Variants in CAPZA1 observed in about 807,000 individuals in gnomAD.
CAPZA1 encodes the protein F-actin-capping protein subunit alpha-1.
In CAPZA1, 10 loss-of-function variants were observed where a neutral mutation model predicts 40.8. The observed-to-expected ratio is 0.25, with a 90% CI of 0.15 to 0.42. The LOEUF (loss-of-function observed/expected upper bound fraction) is 0.42. Among genes scored for constraint, CAPZA1 ranks in the 10% least tolerant of loss-of-function variants. CAPZA1 has a pLI of 1.00. For missense variants in CAPZA1, 277 were observed against 353.8 expected, an observed-to-expected ratio of 0.78 and a Z score of 1.74; for synonymous variants, 98 against 115.0, an observed-to-expected ratio of 0.85 and a Z score of 0.95.
At chr1:112,662,971 T>G (rs2101186785) in intron 7 of CAPZA1, among the ~76,000 whole-genome samples, 1 of 152,136 alleles carries the variant, frequency 6.6e-6, no homozygotes, top group African/African-American at 2.4e-5. Context: ...CTTTTTGTTT[T>G]GTTTTGTTTT....
intron 8 of CAPZA1, 61 bp from the exon 9 acceptor site, chr1:112,669,482 G>A (rs1233873009): frequency 1.8e-6 from 2 of 1,138,744 alleles, no homozygotes; most frequent in African/African-American, 3.1e-5. Context: ...TTACTTTCAG[G>A]ATCTTACTGC....
At chr1:112,666,202 T>G (rs1671722470) in intron 7 of CAPZA1, among the ~76,000 whole-genome samples, 1 of 152,234 alleles carries the variant, frequency 6.6e-6, no homozygotes, top group Non-Finnish European at 1.5e-5. Context: ...TTTACACATA[T>G]TCATATGCAG....
At chr1:112,640,743 G>A (rs554106562) in intron 1 of CAPZA1, among the ~76,000 whole-genome samples, 14 of 152,232 alleles carry the variant, frequency 9.2e-5, no homozygotes, top group Admixed American at 3.9e-4. Context: ...CATTGAGAAC[G>A]GGCCAGGATG....
chr1:112,625,328 C>T (rs1397337235), intron 1 of CAPZA1, among the ~76,000 whole-genome samples: 6 of 152,130 alleles, frequency 3.9e-5, no homozygotes, highest in South Asian at 4.1e-4. Flanking sequence ...CCTTGCAAAG[C>T]CCCTAATGAA....
chr1:112,625,431 G>A (rs1670786809), intron 1 of CAPZA1, among the ~76,000 whole-genome samples: 1 of 152,174 alleles, frequency 6.6e-6, no homozygotes, highest in African/African-American at 2.4e-5. Flanking sequence ...GGACCCAAGA[G>A]GGAAAAAGTT....
intron 1 of CAPZA1, among the ~76,000 whole-genome samples, chr1:112,637,685 T>C (rs1289857722): frequency 6.6e-6 from 1 of 152,202 alleles, no homozygotes; most frequent in East Asian, 1.9e-4. Context: ...ATTCCTGAGC[T>C]CAAGCGTTTC....
chr1:112,639,353 CAG>C (rs1671088587), intron 1 of CAPZA1, among the ~76,000 whole-genome samples: 2 of 152,148 alleles, frequency 1.3e-5, no homozygotes, highest in Admixed American at 1.3e-4. Context: ...CACAGATGAA[CAG>C]GGAATATTAA....
intron 7 of CAPZA1, among the ~76,000 whole-genome samples, chr1:112,660,685 A>T (rs1401187508): frequency 6.6e-6 from 1 of 152,154 alleles, no homozygotes; most frequent in Non-Finnish European, 1.5e-5. Context: ...ATCCTAGCAG[A>T]GGTTTGACTT....
chr1:112,634,844 G>A lies in CAPZA1; in HGVS notation c.40-12366G>A, dbSNP rs372425374. The A allele has an allele frequency of 4.4e-4, 67 of 152,312 alleles. 1 individual carries two copies. Among genetic ancestry groups the A allele is most frequent in the African/African-American group, 1.5e-3 (61 of 41,576 alleles). The allele number at this position is 152,312 out of a possible 1,614,324, so 9.4% of individuals were successfully genotyped here. ...TTAGGGAGAGGATGTGGTTCAAAGA[G>A]ATTTTTAAGTGACTGAAATTCAAAA... On this transcript the variant is annotated intron_variant, in intron 1 of 9. Transcript: ENST00000263168.
Position 112,649,911 on chromosome 1 carries a change from C to T in CAPZA1, c.155+442C>T, listed in dbSNP as rs190715750. ...CATGATTAGCTTACCTAGTCATTGA[C>T]TCCTTACCACTCTGAAGCTAATTAA... On this transcript the variant is annotated intron_variant, in intron 3 of 9. Transcript: ENST00000263168. 2.9e-3 allele frequency: 467 copies of T among 158,962 alleles called. 4 individuals are homozygous for T. The highest frequency in any genetic ancestry group is 0.011 in the African/African-American group (439 of 41,654). The allele number at this position is 158,962 out of a possible 1,614,324, so 9.8% of individuals were successfully genotyped here.
Position 112,654,536 on chromosome 1 carries a change from A to G in CAPZA1, c.291A>G (p.Lys97=). 1 of 1,614,088 alleles carries G rather than the reference A, an allele frequency of 6.2e-7. No individual in the cohort carries two copies. Among genetic ancestry groups the G allele is most frequent in the Non-Finnish European group, 8.5e-7 (1 of 1,179,974 alleles). ...ATCCAAGAAACAAAATTTCCTTTAAATTTGACCACTTACGGAAAGAAGCAA... is the reference window on the plus strand; with the variant it reads ...ATCCAAGAAACAAAATTTCCTTTAAGTTTGACCACTTACGGAAAGAAGCAA... The part of the protein sequence containing the change: ...FLDPRNKISF[K]FDHLRKEASD... The change falls in exon 5 of 10, where the codon AAA becomes AAG. Residue 97 remains lysine, a synonymous_variant. Transcript: ENST00000263168.
chr1:112,632,186 T>C (rs1237877023), intron 1 of CAPZA1, among the ~76,000 whole-genome samples: 1 of 152,032 alleles, frequency 6.6e-6, no homozygotes, highest in Non-Finnish European at 1.5e-5. Context: ...GCGCCTGTAA[T>C]GATCCCAGCT....
intron 7 of CAPZA1, among the ~76,000 whole-genome samples, chr1:112,662,897 G>GC (rs1294523636): frequency 2.0e-5 from 2 of 101,942 alleles, no homozygotes; most frequent in Non-Finnish European, 4.9e-5. Flanking sequence ...TTCTTCTATG[G>GC]CCAGATCTGT....
intron 7 of CAPZA1, among the ~76,000 whole-genome samples, chr1:112,666,463 C>T (rs1356468291): frequency 6.6e-6 from 1 of 152,230 alleles, no homozygotes; most frequent in African/African-American, 2.4e-5. Context: ...TTGTTAGTCT[C>T]TTCTCCTTTT....
At chr1:112,640,420 G>A (rs1288510385) in intron 1 of CAPZA1, among the ~76,000 whole-genome samples, 1 of 124,840 alleles carries the variant, frequency 8.0e-6, no homozygotes, top group Non-Finnish European at 1.7e-5. Context: ...GGGCGCCTCT[G>A]CCCGGCCGCC....
At chr1:112,652,908 G>C (rs1484499235) in intron 3 of CAPZA1, among the ~76,000 whole-genome samples, 1 of 142,732 alleles carries the variant, frequency 7.0e-6, no homozygotes, top group African/African-American at 2.8e-5. Flanking sequence ...CATGTACTTT[G>C]ATTATTTATG....
chr1:112,666,108 A>T (rs1486839485), intron 7 of CAPZA1, among the ~76,000 whole-genome samples: 1 of 152,052 alleles, frequency 6.6e-6, no homozygotes, highest in Non-Finnish European at 1.5e-5. Flanking sequence ...GAGTAGTCTG[A>T]ATTCTTAACA....
chr1:112,668,144 G>A (rs898994376), intron 8 of CAPZA1, among the ~76,000 whole-genome samples: 2 of 151,840 alleles, frequency 1.3e-5, no homozygotes, highest in African/African-American at 4.8e-5. Context: ...AAAATCAGCT[G>A]AGTTCCTGTA....
chr1:112,647,049 G>A (rs1398118176), intron 1 of CAPZA1, among the ~76,000 whole-genome samples, 161 bp from the exon 2 acceptor site: 2 of 152,034 alleles, frequency 1.3e-5, no homozygotes, highest in Admixed American at 6.6e-5. Flanking sequence ...CAGCTTTGGG[G>A]TGCTTTATGA....
Sources: allele counts gnomAD v4.1 joint callset (sites outside exome capture counted in the v4.1 genomes callset), GRCh38; gene constraint gnomAD v4.1.1; transcripts MANE v1.5; gene names NCBI Gene and HGNC (gene_info 2026-07-23, HGNC 2026-07-21).